The following MACROD1 variants were observed in gnomAD, a reference collection of about 807,000 sequenced individuals.
MACROD1 encodes the protein mono-ADP ribosylhydrolase 1.
A neutral mutation model predicts 41.4 loss-of-function variants in MACROD1; 31 were observed. The observed-to-expected ratio is 0.75, with a 90% confidence interval of 0.56 to 1.01. MACROD1 has a LOEUF of 1.01. Among genes scored for constraint, MACROD1 ranks in the 50% least tolerant of loss-of-function variants. MACROD1 has a pLI of 0.00. For synonymous variants in MACROD1, 252 were observed against 203.4 expected (o/e 1.24, Z -2.03); for missense variants, 473 against 460.0 (o/e 1.03, Z -0.26).
At chr11:64,116,702 C>G in intron 3 of MACROD1, 1 of 1,613,874 alleles carries the variant, frequency 6.2e-7, no homozygotes, top group East Asian at 2.2e-5. Flanking sequence ...TTGCCAGGGA[C>G]TCGCTGGCCC....
chr11:64,092,333 C>T (rs1289749879), intron 3 of MACROD1, among the ~76,000 whole-genome samples: 1 of 152,202 alleles, frequency 6.6e-6, no homozygotes, highest in African/African-American at 2.4e-5. Context: ...AATGTCAAGG[C>T]CAGAGACACA....
Position 64,096,562 on chromosome 11 carries a change from C to T in MACROD1, c.517+54677G>A, listed in dbSNP as rs1465124358. Among the ~76,000 whole-genome samples the T allele has an allele frequency of 1.3e-5, 2 of 152,122 alleles. No individual in the cohort carries two copies. Among genetic ancestry groups the T allele is most frequent in the East Asian group, 3.9e-4 (2 of 5,190 alleles). On this transcript the variant is annotated intron_variant, in intron 3 of 10. Coordinates refer to ENST00000255681, the MANE Select transcript of MACROD1 (RefSeq NM_014067.4). The surrounding 1 kb of genome is among the most constrained non-coding windows in gnomAD (Gnocchi z 4.6). Reference sequence around the variant, plus strand: ...CACCGAGTAGCTGGGATTACAGGCGCCTGCCATCACGCCCAGCTAATTTTT... The same window carrying T: ...CACCGAGTAGCTGGGATTACAGGCGTCTGCCATCACGCCCAGCTAATTTTT...
chr11:64,056,110 AC>A (rs1365460876), intron 3 of MACROD1, among the ~76,000 whole-genome samples: 1 of 151,964 alleles, frequency 6.6e-6, no homozygotes, highest in Non-Finnish European at 1.5e-5. Context: ...AGTCTGCTCC[AC>A]CCCCGGCAAT....
At chr11:64,000,804 C>A (rs1041141056) in intron 4 of MACROD1, among the ~76,000 whole-genome samples, 1 of 152,118 alleles carries the variant, frequency 6.6e-6, no homozygotes, top group Non-Finnish European at 1.5e-5. Flanking sequence ...TCGGTGCGAT[C>A]CCAAGGCCCA....
rs1945836661 is a variant in MACROD1, at chr11:64,165,911, G to A, written c.84C>T (p.Pro28=). ...TCCTCGTGGCACCCGCCAAGTGTCC[G>A]GGCCGGGGGCGCGGGGGGACGAGCA... ...GQLLVPPRPR[P]GHLAGATRTR... is the part of the protein sequence containing the mutation. Residue 28 remains proline, a synonymous_variant, in exon 1 of 11, where the codon CCC becomes CCT. Coordinates refer to ENST00000255681, the MANE Select transcript of MACROD1 (RefSeq NM_014067.4). The A allele has an allele frequency of 7.5e-7, 1 of 1,336,860 alleles. No homozygotes were observed. Among genetic ancestry groups the A allele is most frequent in the South Asian group, 2.0e-5 (1 of 49,028 alleles). The allele number at this position is 1,336,860 out of a possible 1,614,324, so 82.8% of individuals were successfully genotyped here. A position where few individuals can be genotyped will look rare whatever the true frequency, so the allele number is the denominator to read the frequency against.
At chr11:64,136,678 T>C (rs925322788) in intron 3 of MACROD1, among the ~76,000 whole-genome samples, 2 of 152,102 alleles carry the variant, frequency 1.3e-5, no homozygotes, top group African/African-American at 4.8e-5. Context: ...GCCACCGACC[T>C]GTGAGGGACC....
At position 64,120,178 on chromosome 11, in the gene MACROD1, G is replaced by A. The variant is rs1457112227; in HGVS notation, c.517+31061C>T. On this transcript the variant is annotated intron_variant, in intron 3 of 10. Transcript: ENST00000255681. The surrounding 1 kb of genome is among the most constrained non-coding windows in gnomAD (Gnocchi z 4.5). ...TGAAAGGAGCGGACACAACAGCCAC[G>A]TGGAAAGTGGAAAAATGGGCACAGG... Among the ~76,000 whole-genome samples the A allele has an allele frequency of 2.0e-5, 3 of 152,180 alleles. No individual in the cohort carries two copies. Among genetic ancestry groups the A allele is most frequent in the Non-Finnish European group, 2.9e-5 (2 of 68,032 alleles).
At chr11:64,088,985 A>G (rs1192845530) in intron 3 of MACROD1, among the ~76,000 whole-genome samples, 1 of 152,090 alleles carries the variant, frequency 6.6e-6, no homozygotes, top group Non-Finnish European at 1.5e-5. Flanking sequence ...AGGTTACCAG[A>G]CTCAGAGAGA....
At chr11:64,130,737 T>G (rs926359393) in intron 3 of MACROD1, among the ~76,000 whole-genome samples, 11 of 152,098 alleles carry the variant, frequency 7.2e-5, no homozygotes, top group Non-Finnish European at 1.3e-4. Flanking sequence ...CACCTTCCAG[T>G]GCTGACACTG....
At chr11:64,047,698 A>C (rs1013602854) in intron 3 of MACROD1, among the ~76,000 whole-genome samples, 2 of 151,968 alleles carry the variant, frequency 1.3e-5, no homozygotes, top group African/African-American at 4.8e-5. Flanking sequence ...GGAGCTCGAG[A>C]CCAGCCTGGC....
rs1228934629 is a variant in MACROD1, at chr11:64,037,834, T to G, written c.518-22553A>C. On this transcript the variant is annotated intron_variant, in intron 3 of 10. Transcript: ENST00000255681. ...CCGCACTCTACCATTTATTGGTCCCTCCACCTCCCTGTGCCTCAGTTTCCC... is the reference window on the plus strand; with the variant it reads ...CCGCACTCTACCATTTATTGGTCCCGCCACCTCCCTGTGCCTCAGTTTCCC... Among the ~76,000 whole-genome samples the G allele has an allele frequency of 7.9e-5, 12 of 152,328 alleles. No homozygotes were observed. In the East Asian group the frequency reaches 2.3e-3, roughly 29 times the overall value.
chr11:64,131,430 G>A (rs1168440415), intron 3 of MACROD1, among the ~76,000 whole-genome samples: 1 of 152,154 alleles, frequency 6.6e-6, no homozygotes, highest in Non-Finnish European at 1.5e-5. Flanking sequence ...AGGTTCAAGC[G>A]ATTCTCCTGC....
chr11:64,119,076 T>C (rs1460317054), intron 3 of MACROD1: 2 of 167,296 alleles, frequency 1.2e-5, no homozygotes, highest in African/African-American at 4.8e-5. Context: ...GCGGTGTCTC[T>C]AAGTACAGAT....
At chr11:64,001,481 C>T (rs1315728769) in intron 4 of MACROD1, 1 of 702,458 alleles carries the variant, frequency 1.4e-6, no homozygotes, top group Admixed American at 2.0e-5. Context: ...CCACCTTCTC[C>T]TTCATCACCT....
intron 3 of MACROD1, among the ~76,000 whole-genome samples, chr11:64,097,894 G>A (rs972071140): frequency 2.6e-5 from 4 of 152,180 alleles, no homozygotes; most frequent in African/African-American, 9.7e-5. Context: ...GGCTCTCTTG[G>A]TGGTGCTCCT....
chr11:64,133,777 C>T (rs903020178), intron 3 of MACROD1, among the ~76,000 whole-genome samples: 3 of 152,200 alleles, frequency 2.0e-5, no homozygotes, highest in Non-Finnish European at 4.4e-5. Context: ...CCCAGCTGCC[C>T]GGGTACATCT....
chr11:64,138,899 C>G (rs1192845991), intron 3 of MACROD1, among the ~76,000 whole-genome samples: 4 of 152,132 alleles, frequency 2.6e-5, no homozygotes, highest in Non-Finnish European at 4.4e-5. Flanking sequence ...TCCCGAGTAG[C>G]TGGGATTACA....
intron 3 of MACROD1, among the ~76,000 whole-genome samples, chr11:64,021,947 G>GC: frequency 1.4e-5 from 1 of 72,972 alleles, no homozygotes; most frequent in African/African-American, 4.8e-5. Context: ...GGGGGGGGGG[G>GC]GGGGTGTGAG....
At chr11:64,018,739 C>T (rs1268900388) in intron 3 of MACROD1, among the ~76,000 whole-genome samples, 1 of 152,222 alleles carries the variant, frequency 6.6e-6, no homozygotes, top group Non-Finnish European at 1.5e-5. Flanking sequence ...GTCATCAACC[C>T]AGTTTCCAGA....
Sources: allele counts gnomAD v4.1 joint callset (sites outside exome capture counted in the v4.1 genomes callset), GRCh38; gene constraint gnomAD v4.1.1; non-coding constraint Gnocchi (gnomAD v3.1); transcripts MANE v1.5; gene names NCBI Gene and HGNC (gene_info 2026-07-23, HGNC 2026-07-21).